Variants in KCNG4 observed in about 807,000 individuals in gnomAD.
The protein encoded by KCNG4 is voltage-gated potassium channel regulatory subunit KCNG4.
A neutral mutation model predicts 28.2 loss-of-function variants in KCNG4; 30 were observed. The observed-to-expected ratio is 1.06, with a 90% CI of 0.80 to 1.44. The LOEUF (loss-of-function observed/expected upper bound fraction) is 1.44, where lower values mean the gene tolerates loss of function less well. Ranked by LOEUF, KCNG4 falls within the 40% of genes most tolerant of loss-of-function variation. The pLI is 0.00. For missense variants in KCNG4, 879 were observed against 712.3 expected, an observed-to-expected ratio of 1.23 and a Z score of -2.66; for synonymous variants, 375 against 315.5, an observed-to-expected ratio of 1.19 and a Z score of -2.00.
chr16:84,224,453 T>G (rs1416483496), intron 2 of KCNG4, among the ~76,000 whole-genome samples: 1 of 137,206 alleles, frequency 7.3e-6, no homozygotes, highest in African/African-American at 3.0e-5. Context: ...TATGTATATT[T>G]GATGGATGAA....
At chr16:84,235,697 T>G (rs1369856997) in intron 2 of KCNG4, 1 of 152,192 alleles carries the variant, frequency 6.6e-6, no homozygotes, top group African/African-American at 2.4e-5. Context: ...GAAGAGAACT[T>G]AGGTGGGCTG....
intron 2 of KCNG4, among the ~76,000 whole-genome samples, chr16:84,229,800 T>C (rs10221182): frequency 0.46 from 69,801 of 152,106 alleles, 16,364 homozygotes; most frequent in South Asian, 0.5. Context: ...CAGGGAATAT[T>C]GCTTCTTGGC....
intron 2 of KCNG4, among the ~76,000 whole-genome samples, chr16:84,234,360 G>C (rs945421315): frequency 6.6e-6 from 1 of 151,558 alleles, no homozygotes; most frequent in African/African-American, 2.4e-5. Flanking sequence ...TTTTTTTTTA[G>C]TAGAGATGGA....
At position 84,222,936 on chromosome 16, in the gene KCNG4, A is replaced by T. The variant is rs1904612477; in HGVS notation, c.841T>A (p.Phe281Ile). 1 of 1,596,126 alleles carries T rather than the reference A, an allele frequency of 6.3e-7. No individual in the cohort carries two copies. Among genetic ancestry groups the T allele is most frequent in the Admixed American group, 1.7e-5 (1 of 57,358 alleles). Reference protein sequence around the residue: ...AWFSLEFCLRFVQAQDKCQFF... With the variant: ...AWFSLEFCLRIVQAQDKCQFF... ...TGACACTTGTCTTGGGCCTGGACAA[A>T]CCGCAGGCAGAACTCCAGGGAGAAC... The change falls in exon 3 of 3, where the codon TTT becomes ATT. Residue 281 changes from phenylalanine to isoleucine, a missense_variant. Transcript: ENST00000308251.
At chr16:84,223,985 G>A (rs1043805106) in intron 2 of KCNG4, among the ~76,000 whole-genome samples, 1 of 152,124 alleles carries the variant, frequency 6.6e-6, no homozygotes, top group African/African-American at 2.4e-5. Context: ...GGCGGGGGCC[G>A]TTCTGAGTTC....
In KCNG4 at chr16:84,238,832, C is replaced by A. The variant is rs767038710; in HGVS notation, c.-41+838G>T. ...GCAGTAAGCCGAGATTGCGCCATTGCACTCCAGCCTGGACAACAGAGCGAG... is the reference window on the plus strand; with the variant it reads ...GCAGTAAGCCGAGATTGCGCCATTGAACTCCAGCCTGGACAACAGAGCGAG... On this transcript the variant is annotated intron_variant, in intron 1 of 2. Coordinates refer to ENST00000308251, the MANE Select transcript of KCNG4 (RefSeq NM_172347.3). 3.9e-5 allele frequency among the ~76,000 whole-genome samples: 6 copies of A among 152,182 alleles called. No homozygotes were observed. In the South Asian group the frequency reaches 1.2e-3, roughly 32 times the overall value.
In KCNG4 at chr16:84,237,117, G is replaced by C. The variant is rs144555438; in HGVS notation, c.369C>G (p.Ile123Met). The change falls in exon 2 of 3, where the codon ATC (isoleucine) becomes ATG (methionine). Residue 123 changes from isoleucine to methionine, a missense_variant. By Grantham distance (10) the Ile-to-Met change is conservative. Transcript: ENST00000308251. ...FDRSPSAFGV[I>M]VSFLAAGKLV... Reference sequence around the variant, plus strand: ...GCTTCCCGGCCGCCAGGAAGCTCACGATCACCCCGAAGGCGCTGGGGCTCC... The same window carrying C: ...GCTTCCCGGCCGCCAGGAAGCTCACCATCACCCCGAAGGCGCTGGGGCTCC... 27 of 1,614,014 alleles carry C rather than the reference G, an allele frequency of 1.7e-5. No individual in the cohort carries two copies. Among genetic ancestry groups the C allele is most frequent in the Non-Finnish European group, 2.2e-5 (26 of 1,180,042 alleles).
chr16:84,225,370 A>G (rs968120180), intron 2 of KCNG4, among the ~76,000 whole-genome samples: 2 of 152,202 alleles, frequency 1.3e-5, no homozygotes, highest in East Asian at 3.9e-4. Flanking sequence ...AGTTTGGAAC[A>G]GAATTGGTAT....
At chr16:84,233,976 C>G (rs924167627) in intron 2 of KCNG4, among the ~76,000 whole-genome samples, 6 of 152,162 alleles carry the variant, frequency 3.9e-5, no homozygotes, top group African/African-American at 1.4e-4. Context: ...GTATTCACTT[C>G]CCTATGCTGC....
Position 84,226,265 on chromosome 16 carries a change from G to C in KCNG4, c.757-3245C>G, listed in dbSNP as rs1445339760. ...CATGATGTGGAGCAAAGCAAGCCGG[G>C]TGTGTGTTTCCACTTGTGGGAAGCT... is the stretch of plus-strand genomic sequence containing the variant. On this transcript the variant is annotated intron_variant, in intron 2 of 2. Transcript: ENST00000308251. The surrounding 1 kb of genome is among the most constrained non-coding windows in gnomAD (Gnocchi z 4.1). 2.6e-5 allele frequency among the ~76,000 whole-genome samples: 4 copies of C among 152,218 alleles called. No individual in the cohort carries two copies. The highest frequency in any genetic ancestry group is 4.8e-5 in the African/African-American group (2 of 41,448).
chr16:84,222,375 G>C lies in KCNG4; in HGVS notation c.1402C>G (p.Gln468Glu). ...SHSYLELKKE[Q>E]EQLQARLRHL... Reference sequence around the variant, plus strand: ...CGGAGGCGGGCCTGAAGCTGCTCCTGCTCCTTCTTGAGCTCCAGGTAGGAG... The same window carrying C: ...CGGAGGCGGGCCTGAAGCTGCTCCTCCTCCTTCTTGAGCTCCAGGTAGGAG... Residue 468 changes from glutamine to glutamate, a missense_variant, in exon 3 of 3, where the codon CAG becomes GAG. Physicochemically the swap from Gln to Glu is conservative, Grantham distance 29 (BLOSUM62 2). Transcript: ENST00000308251. 6.2e-7 allele frequency: 1 copy of C among 1,614,150 alleles called. No homozygotes were observed.
chr16:84,238,222 T>C (rs1256749542), intron 1 of KCNG4, among the ~76,000 whole-genome samples: 1 of 152,216 alleles, frequency 6.6e-6, no homozygotes, highest in Non-Finnish European at 1.5e-5. Context: ...CTCCACTTTA[T>C]AGATAAGGAG....
intron 2 of KCNG4, among the ~76,000 whole-genome samples, chr16:84,227,917 A>G (rs888420824): frequency 2.6e-5 from 4 of 152,130 alleles, no homozygotes; most frequent in East Asian, 1.9e-4. Context: ...CCGGGGCTGG[A>G]TGGAGGAGGA....
In KCNG4 at chr16:84,237,355, A is replaced by G. The variant is rs778558143; in HGVS notation, c.131T>C (p.Val44Ala). The G allele has an allele frequency of 3.8e-6, 6 of 1,563,302 alleles. No homozygotes were observed. The highest frequency in any genetic ancestry group is 5.2e-6 in the Non-Finnish European group (6 of 1,155,570). The change falls in exon 2 of 3, where the codon GTG becomes GCG. Residue 44 changes from valine (V) to alanine (A), a missense_variant. Transcript: ENST00000308251. ...GGCGTCCAGGGCACCCACCTTCCGCACCCTCCGGTAGTAAAGGCCCTTGAT... is the reference window on the plus strand; with the variant it reads ...GGCGTCCAGGGCACCCACCTTCCGCGCCCTCCGGTAGTAAAGGCCCTTGAT... ...PSIKGLYYRRVRKVGALDASP... is the reference protein window; with the variant it reads ...PSIKGLYYRRARKVGALDASP...
Position 84,237,394 on chromosome 16 carries a change from A to C in KCNG4, c.92T>G (p.Met31Arg). The change falls in exon 2 of 3, where the codon ATG (methionine) becomes AGG (arginine). Residue 31 changes from methionine (M) to arginine (R), a missense_variant. Physicochemically the swap from Met to Arg is moderately conservative, Grantham distance 91. Coordinates refer to ENST00000308251, the MANE Select transcript of KCNG4 (RefSeq NM_172347.3). Reference protein sequence around the residue: ...SPWSQLLSSPMETPSIKGLYY... With the variant: ...SPWSQLLSSPRETPSIKGLYY... ...AAGGCCCTTGATGGACGGCGTCTCC[A>C]TGGGGCTGGACAGGAGCTGACTCCA... 1 of 1,533,186 alleles carries C rather than the reference A, an allele frequency of 6.5e-7. No homozygotes were observed. The highest frequency in any genetic ancestry group is 8.8e-7 in the Non-Finnish European group (1 of 1,141,792). 95.0% of individuals were successfully genotyped at this position (1,533,186 alleles called of 1,614,324 possible).
In KCNG4 at chr16:84,236,868, C is replaced by A. The variant is rs768745768; in HGVS notation, c.618G>T (p.Arg206=). Residue 206 remains arginine (R), a synonymous_variant, in exon 2 of 3, where the codon CGG becomes CGT. Coordinates refer to ENST00000308251, the MANE Select transcript of KCNG4 (RefSeq NM_172347.3). Reference sequence around the variant, plus strand: ...GCGGGTTTTCCACCATCTCGCGCAGCCGGTTCATGCACAGGCCCCAGCGCG... The same window carrying A: ...GCGGGTTTTCCACCATCTCGCGCAGACGGTTCATGCACAGGCCCCAGCGCG... ...HSSRWGLCMN[R]LREMVENPQS... The A allele has an allele frequency of 3.7e-5, 60 of 1,613,460 alleles. No homozygotes were observed. Among genetic ancestry groups the A allele is most frequent in the Non-Finnish European group, 5.0e-5 (59 of 1,180,036 alleles).
At chr16:84,228,379 G>C (rs562492088) in intron 2 of KCNG4, among the ~76,000 whole-genome samples, 1 of 152,124 alleles carries the variant, frequency 6.6e-6, no homozygotes, top group South Asian at 2.1e-4. Flanking sequence ...CCTGCTGTGA[G>C]TTCACCATTT....
chr16:84,233,129 G>C (rs1341468645), intron 2 of KCNG4, among the ~76,000 whole-genome samples: 1 of 152,184 alleles, frequency 6.6e-6, no homozygotes, highest in Non-Finnish European at 1.5e-5. Context: ...GCACCTCCGT[G>C]TTTCGGCCTG....
intron 2 of KCNG4, among the ~76,000 whole-genome samples, chr16:84,233,789 CAAAAG>C (rs1308866843): frequency 6.6e-6 from 1 of 151,824 alleles, no homozygotes; most frequent in Non-Finnish European, 1.5e-5. Flanking sequence ...AGAAAGAAAA[CAAAAG>C]AAAAGGAAAG....
Sources: allele counts gnomAD v4.1 joint callset (sites outside exome capture counted in the v4.1 genomes callset), GRCh38; gene constraint gnomAD v4.1.1; non-coding constraint Gnocchi (gnomAD v3.1); transcripts MANE v1.5; gene names NCBI Gene and HGNC (gene_info 2026-07-23, HGNC 2026-07-21).